CFAP276: variants seen among roughly 807,000 people sequenced by gnomAD.
CFAP276 encodes the protein cilia- and flagella-associated protein 276.
At chr1:109,113,416 A>AAAGAG in the CFAP276 span, among the ~76,000 whole-genome samples, 1 of 68,040 alleles carries the variant, frequency 1.5e-5, no homozygotes, top group Non-Finnish European at 2.6e-5. Flanking sequence ...GAGAGAGAGA[A>AAAGAG]AGAGAGAGAG....
At chr1:109,112,770 T>C in the CFAP276 span, 1 of 1,508,736 alleles carries the variant, frequency 6.6e-7, no homozygotes. Context: ...CCCAATTGTT[T>C]GGAGCGCTGG....
chr1:109,112,132 A>G, the CFAP276 span, among the ~76,000 whole-genome samples: 3 of 152,354 alleles, frequency 2.0e-5, no homozygotes, highest in Admixed American at 2.0e-4. Flanking sequence ...TTCCGAAATC[A>G]GTGTCCACCA....
At chr1:109,113,588 G>C in the CFAP276 span, 1 of 1,599,390 alleles carries the variant, frequency 6.3e-7, no homozygotes, top group Admixed American at 1.7e-5. Context: ...GATTTGGCGG[G>C]ATGTAAGATC....
At chr1:109,112,391 GA>G in the CFAP276 span, among the ~76,000 whole-genome samples, 1 of 152,282 alleles carries the variant, frequency 6.6e-6, no homozygotes, top group East Asian at 1.9e-4. Context: ...CTCTAGACTA[GA>G]ACTCTACTTT....
the CFAP276 span, among the ~76,000 whole-genome samples, chr1:109,113,447 AGAGAGAGAGAGAGAGAGAGAGG>A: frequency 8.7e-6 from 1 of 114,770 alleles, no homozygotes; most frequent in Non-Finnish European, 1.7e-5. Context: ...AGAGAGAGAG[AGAGAGAGAGAGAGAGAGAGAGG>A]CCCACGTGCG....
the CFAP276 span, among the ~76,000 whole-genome samples, chr1:109,112,384 T>C: frequency 1.3e-5 from 2 of 152,234 alleles, no homozygotes; most frequent in Admixed American, 6.5e-5. Flanking sequence ...CTTGTTCCTC[T>C]AGACTAGAAC....
At chr1:109,106,888 A>G in the CFAP276 span, 1 of 920,324 alleles carries the variant, frequency 1.1e-6, no homozygotes, top group Non-Finnish European at 1.7e-6. Flanking sequence ...AGATGTAAAA[A>G]TACAGAAATT....
chr1:109,113,392 CAG>C, the CFAP276 span, among the ~76,000 whole-genome samples: 6,313 of 90,328 alleles, frequency 0.07, 558 homozygotes, highest in African/African-American at 0.16. Context: ...GACCCTGTCT[CAG>C]AGAGAGAGAG....
At chr1:109,113,451 A>AGAGAGT in the CFAP276 span, among the ~76,000 whole-genome samples, 1 of 120,466 alleles carries the variant, frequency 8.3e-6, no homozygotes, top group African/African-American at 3.4e-5. Flanking sequence ...AGAGAGAGAG[A>AGAGAGT]GAGAGAGAGA....
the CFAP276 span, chr1:109,106,797 T>G: frequency 9.1e-7 from 1 of 1,101,298 alleles, no homozygotes; most frequent in South Asian, 1.6e-5. Flanking sequence ...ACCAAAGATT[T>G]TGTTTATACA....
the CFAP276 span, chr1:109,107,781 G>A: frequency 1.1e-5 from 7 of 653,022 alleles, no homozygotes; most frequent in South Asian, 8.3e-5. Context: ...AGGAGGCAGA[G>A]GCAGGAGGAT....
At chr1:109,108,159 T>G in the CFAP276 span, 2 of 762,630 alleles carry the variant, frequency 2.6e-6, no homozygotes, top group Admixed American at 2.1e-5. Context: ...GTTTTATTTT[T>G]TGAGACAGAA....
the CFAP276 span, chr1:109,112,782 T>G: frequency 6.7e-6 from 10 of 1,493,216 alleles, no homozygotes; most frequent in Non-Finnish European, 8.9e-6. Context: ...GAGCGCTGGT[T>G]TCGGTTGCCA....
At chr1:109,107,975 G>A in the CFAP276 span, 4 of 1,598,906 alleles carry the variant, frequency 2.5e-6, no homozygotes, top group Admixed American at 5.1e-5. Flanking sequence ...TGGGGGTTGA[G>A]TTGAGCCGAC....
chr1:109,111,011 A>G, the CFAP276 span, among the ~76,000 whole-genome samples: 48,914 of 151,866 alleles, frequency 0.32, 10,261 homozygotes, highest in African/African-American at 0.59. Context: ...GCACCTGATC[A>G]CCACCCCCTG....
chr1:109,106,882 G>A, the CFAP276 span: 2 of 892,768 alleles, frequency 2.2e-6, no homozygotes, highest in Non-Finnish European at 3.5e-6. Context: ...AGACACAGAT[G>A]TAAAAATACA....
the CFAP276 span, chr1:109,112,801 C>A: frequency 6.9e-7 from 1 of 1,456,740 alleles, no homozygotes; most frequent in Non-Finnish European, 9.2e-7. Flanking sequence ...CAGGCAACTG[C>A]CCAGCCATCT....
the CFAP276 span, chr1:109,106,995 T>G: frequency 6.3e-7 from 1 of 1,599,844 alleles, no homozygotes; most frequent in Non-Finnish European, 8.6e-7. Flanking sequence ...AGGCTCTGCC[T>G]CTACCACTTA....
At chr1:109,106,191 G>T in the CFAP276 span, 2 of 1,100,588 alleles carry the variant, frequency 1.8e-6, no homozygotes, top group Non-Finnish European at 1.3e-6. Flanking sequence ...TAGGTACTGT[G>T]GAGAAGCTTC....
Sources: gnomAD v4.1 joint callset for allele counts (sites outside exome capture counted in the v4.1 genomes callset) on GRCh38, gnomAD v4.1.1 for gene constraint, MANE v1.5 for transcripts, NCBI Gene and HGNC (gene_info 2026-07-23, HGNC 2026-07-21) for gene names.